Variants in MRPS28 observed in about 807,000 individuals in gnomAD.
MRPS28 encodes mitochondrial ribosomal protein S28, also known as small ribosomal subunit protein bS1m.
In MRPS28, 7 loss-of-function variants were observed where a neutral mutation model predicts 10.8. The ratio of observed to expected loss-of-function variants is 0.65; its 90% confidence interval spans 0.37 to 1.22. MRPS28 has a LOEUF of 1.22. MRPS28 is among the 50% of genes most tolerant of loss of function. The probability of loss-of-function intolerance (pLI) is 0.02; values close to 1 mark genes in which losing one functional copy is unlikely to be tolerated. For synonymous variants in MRPS28, 121 were observed against 93.3 expected (o/e 1.30, Z -1.71); for missense variants, 265 against 232.9 (o/e 1.14, Z -0.90).
chr8:79,921,999 T>C (rs1467588629), intron 2 of MRPS28, among the ~76,000 whole-genome samples: 1 of 152,246 alleles, frequency 6.6e-6, no homozygotes, highest in Non-Finnish European at 1.5e-5. Context: ...TGAAGAGTTG[T>C]TGAATTTTGT....
chr8:79,945,812 G>T (rs1687424969), intron 2 of MRPS28, among the ~76,000 whole-genome samples: 1 of 152,014 alleles, frequency 6.6e-6, no homozygotes, highest in Non-Finnish European at 1.5e-5. Flanking sequence ...AAATAAAAGG[G>T]TAAGCAAGCC....
At chr8:79,957,814 G>A (rs1355908576) in intron 2 of MRPS28, 2 of 152,142 alleles carry the variant, frequency 1.3e-5, no homozygotes, top group Non-Finnish European at 2.9e-5. Flanking sequence ...CTGAACAAGT[G>A]CATTTTTAAC....
At chr8:80,020,518 T>C (rs1809327577) in intron 1 of MRPS28, among the ~76,000 whole-genome samples, 1 of 152,216 alleles carries the variant, frequency 6.6e-6, no homozygotes, top group Admixed American at 6.5e-5. Context: ...AGCCAGATGC[T>C]GACGAAAAAT....
intron 2 of MRPS28, among the ~76,000 whole-genome samples, chr8:79,962,208 G>A (rs151171144): frequency 2.0e-5 from 3 of 151,896 alleles, no homozygotes; most frequent in Non-Finnish European, 2.9e-5. Context: ...ATTATTCGTC[G>A]TTGTATTTCC....
In MRPS28 at chr8:79,992,998, T is replaced by C. The variant is rs1178269952; in HGVS notation, c.395+10001A>G. Among the ~76,000 whole-genome samples, 8 of 152,210 alleles carry C rather than the reference T, an allele frequency of 5.3e-5. 1 individual carries two copies. Among genetic ancestry groups the C allele is most frequent in the Non-Finnish European group, 8.8e-5 (6 of 68,034 alleles). On this transcript the variant is annotated intron_variant, in intron 2 of 2. Transcript: ENST00000276585. The stretch of plus-strand genomic sequence containing the variant: ...ATAATTAATTACAAATCACAAAATA[T>C]GTGCTGAAATTCTGAGTCCCTATGA...
At chr8:79,947,777 G>A (rs1048578113) in intron 2 of MRPS28, among the ~76,000 whole-genome samples, 3 of 150,832 alleles carry the variant, frequency 2.0e-5, no homozygotes, top group Non-Finnish European at 4.4e-5. Flanking sequence ...TGGGACTACA[G>A]GTGCCTACCA....
chr8:80,008,599 A>C (rs1273433868), intron 1 of MRPS28, among the ~76,000 whole-genome samples: 2 of 152,252 alleles, frequency 1.3e-5, no homozygotes, highest in African/African-American at 4.8e-5. Context: ...CAACCCCATC[A>C]AAAAGTGGGT....
At chr8:79,994,319 C>T (rs930211094) in intron 2 of MRPS28, among the ~76,000 whole-genome samples, 5 of 152,058 alleles carry the variant, frequency 3.3e-5, no homozygotes, top group African/African-American at 7.2e-5. Flanking sequence ...TAACACTAAT[C>T]GCAAGTATTA....
intron 2 of MRPS28, among the ~76,000 whole-genome samples, chr8:79,989,263 T>C (rs1808286461): frequency 1.3e-5 from 2 of 152,138 alleles, no homozygotes; most frequent in African/African-American, 2.4e-5. Context: ...AGGTAAGAAA[T>C]AGGAAATCCA....
chr8:79,996,527 GAT>G (rs1176757666), intron 2 of MRPS28, among the ~76,000 whole-genome samples: 1 of 152,196 alleles, frequency 6.6e-6, no homozygotes, highest in Non-Finnish European at 1.5e-5. Context: ...CTGGTTCATA[GAT>G]TAACTAACTA....
chr8:80,012,727 G>A (rs1287533800), intron 1 of MRPS28, among the ~76,000 whole-genome samples: 1 of 152,234 alleles, frequency 6.6e-6, no homozygotes, highest in Non-Finnish European at 1.5e-5. Context: ...GACCGTCAAG[G>A]TAGAAAGGAG....
chr8:79,948,766 A>AT (rs571435338), intron 2 of MRPS28, among the ~76,000 whole-genome samples: 7 of 151,730 alleles, frequency 4.6e-5, no homozygotes, highest in Admixed American at 1.3e-4. Flanking sequence ...AATTACACTG[A>AT]TTTTTTTTCA....
chr8:79,990,711 T>C (rs1430940549), intron 2 of MRPS28, among the ~76,000 whole-genome samples: 1 of 151,588 alleles, frequency 6.6e-6, no homozygotes, highest in Non-Finnish European at 1.5e-5. Flanking sequence ...CACTGTGGGA[T>C]AGGCGCAGTG....
intron 1 of MRPS28, among the ~76,000 whole-genome samples, chr8:80,027,258 G>C (rs1809515562): frequency 6.6e-6 from 1 of 152,198 alleles, no homozygotes; most frequent in East Asian, 1.9e-4. Flanking sequence ...AATGTACTGA[G>C]AGCACGTTAA....
chr8:80,012,772 T>C (rs541525975), intron 1 of MRPS28, among the ~76,000 whole-genome samples: 1 of 152,364 alleles, frequency 6.6e-6, no homozygotes, highest in East Asian at 1.9e-4. Flanking sequence ...TGGAACAGTA[T>C]CACTTTCATT....
At chr8:79,991,159 G>T (rs558613775) in intron 2 of MRPS28, among the ~76,000 whole-genome samples, 1 of 152,224 alleles carries the variant, frequency 6.6e-6, no homozygotes, top group South Asian at 2.1e-4. Context: ...GAAGAGAAAT[G>T]AGTCTATTCT....
At chr8:79,963,085 A>G (rs954368461) in intron 2 of MRPS28, among the ~76,000 whole-genome samples, 1 of 152,144 alleles carries the variant, frequency 6.6e-6, no homozygotes, top group East Asian at 1.9e-4. Context: ...AGCCCTTTCA[A>G]AATGACTTAG....
intron 2 of MRPS28, among the ~76,000 whole-genome samples, chr8:79,920,397 A>G (rs1810057802): frequency 6.6e-6 from 1 of 152,216 alleles, no homozygotes; most frequent in Admixed American, 6.5e-5. Context: ...ACTAGTTTAC[A>G]GTCCCACCAA....
chr8:79,959,274 G>T (rs1807308587), intron 2 of MRPS28, among the ~76,000 whole-genome samples: 1 of 151,902 alleles, frequency 6.6e-6, no homozygotes, highest in Admixed American at 6.6e-5. Context: ...CAAAGAACAG[G>T]TCTCACAAGC....
Sources: gnomAD v4.1 joint callset for allele counts (sites outside exome capture counted in the v4.1 genomes callset) on GRCh38, gnomAD v4.1.1 for gene constraint, MANE v1.5 for transcripts, NCBI Gene and HGNC (gene_info 2026-07-23, HGNC 2026-07-21) for gene names.